The following MARCHF1 variants were observed in gnomAD, a reference collection of about 807,000 sequenced individuals.
The protein encoded by MARCHF1 is membrane associated ring-CH-type finger 1.
A neutral mutation model predicts 54.2 loss-of-function variants in MARCHF1; 40 were observed. That is an observed-to-expected ratio of 0.74 (90% CI 0.57 to 0.96). The LOEUF is 0.96. Ranked by LOEUF, MARCHF1 falls within the 40% of genes least tolerant of loss-of-function variation. The probability of loss-of-function intolerance (pLI) is 0.00; values close to 1 mark genes in which losing one functional copy is unlikely to be tolerated. For missense variants in MARCHF1, 586 were observed against 656.5 expected, an observed-to-expected ratio of 0.89 and a Z score of 1.17; for synonymous variants, 236 against 236.3, an observed-to-expected ratio of 1.00 and a Z score of 0.01.
intron 3 of MARCHF1, among the ~76,000 whole-genome samples, chr4:163,940,928 C>A (rs1227461025): frequency 6.6e-6 from 1 of 151,972 alleles, no homozygotes; most frequent in Non-Finnish European, 1.5e-5. Flanking sequence ...TACTTGTTTT[C>A]ATAATGTTTG....
intron 3 of MARCHF1, among the ~76,000 whole-genome samples, chr4:163,929,947 T>TAC (rs1560823658): frequency 1.8e-4 from 1 of 5,624 alleles, no homozygotes; most frequent in Non-Finnish European, 8.3e-3. Context: ...ATATTTATAT[T>TAC]ATATATATTA....
In MARCHF1 at chr4:163,545,757, T is replaced by G. The variant is rs1393110055; in HGVS notation, c.1192-14A>C. 1.2e-6 allele frequency: 2 copies of G among 1,612,330 alleles called. No individual in the cohort carries two copies. Among genetic ancestry groups the G allele is most frequent in the African/African-American group, 2.7e-5 (2 of 74,870 alleles). On this transcript the variant is annotated splice_polypyrimidine_tract_variant and intron_variant, in intron 8 of 9. Transcript: ENST00000514618. ...TAGTTTCTCCCACTGCAATCAGAAA[T>G]GAAGGACACAAAACTGAATTGCAAA...
chr4:163,714,975 C>T (rs1396843003), intron 4 of MARCHF1, among the ~76,000 whole-genome samples: 1 of 152,152 alleles, frequency 6.6e-6, no homozygotes, highest in African/African-American at 2.4e-5. Flanking sequence ...AGCCACTGCA[C>T]CCAGCCTATA....
rs80116082 is a variant in MARCHF1, at chr4:163,985,805, G to A, written c.-39+2696C>T. On this transcript the variant is annotated intron_variant, in intron 3 of 9. Coordinates refer to ENST00000514618, the MANE Select transcript of MARCHF1 (RefSeq NM_001394959.1). ...TCCTAATGCACATAGGCATGCTTTG[G>A]ATAACTTTAGGACAAGCAAGAACAT... Among the ~76,000 whole-genome samples, 1,451 of 152,096 alleles carry A rather than the reference G, an allele frequency of 9.5e-3. 18 individuals are homozygous for A. Among genetic ancestry groups the A allele is most frequent in the African/African-American group, 0.033 (1,358 of 41,476 alleles).
chr4:163,873,072 AAAAC>A (rs1553960054), intron 3 of MARCHF1, among the ~76,000 whole-genome samples: 257 of 151,156 alleles, frequency 1.7e-3, no homozygotes, highest in Middle Eastern at 6.8e-3. Flanking sequence ...CAAACAAAAA[AAAAC>A]AAACAAACAA....
intron 4 of MARCHF1, among the ~76,000 whole-genome samples, chr4:163,728,203 A>C (rs527372327): frequency 1.3e-5 from 2 of 152,260 alleles, no homozygotes; most frequent in South Asian, 2.1e-4. Context: ...TTGTGCCACA[A>C]TTTTTATCAC....
At chr4:163,562,819 T>A (rs1461714023) in intron 8 of MARCHF1, among the ~76,000 whole-genome samples, 2 of 152,172 alleles carry the variant, frequency 1.3e-5, no homozygotes, top group African/African-American at 4.8e-5. Context: ...AGTTAATAAT[T>A]AAACTGTTCA....
chr4:163,528,422 A>G lies in MARCHF1; in HGVS notation c.*326T>C, dbSNP rs1203836977. 1 of 249,562 alleles carries G rather than the reference A, an allele frequency of 4.0e-6. No individual in the cohort carries two copies. The highest frequency in any genetic ancestry group is 2.2e-5 in the African/African-American group (1 of 44,490). 15.5% of individuals were successfully genotyped at this position (249,562 alleles called of 1,614,324 possible). On this transcript the variant is annotated 3_prime_UTR_variant, in exon 10 of 10. Coordinates refer to ENST00000514618, the MANE Select transcript of MARCHF1 (RefSeq NM_001394959.1). ...CTTGAACTTTTCCCCTGTTACTGTG[A>G]AGAAGAGTATCATGGGTCCATTTAA...
At chr4:163,865,234 G>T (rs550902899) in intron 3 of MARCHF1, among the ~76,000 whole-genome samples, 14 of 152,006 alleles carry the variant, frequency 9.2e-5, no homozygotes, top group African/African-American at 3.4e-4. Context: ...TTCTTGAGCA[G>T]CCCTTTATGA....
chr4:164,119,508 G>T (rs192412993), intron 1 of MARCHF1, among the ~76,000 whole-genome samples: 106 of 150,942 alleles, frequency 7.0e-4, no homozygotes, highest in Non-Finnish European at 9.0e-4. Flanking sequence ...GAAAGCAAAA[G>T]AAATAAAAAG....
intron 5 of MARCHF1, among the ~76,000 whole-genome samples, chr4:163,613,889 T>C (rs914199365): frequency 6.6e-6 from 1 of 152,150 alleles, no homozygotes; most frequent in Non-Finnish European, 1.5e-5. Flanking sequence ...CCTGAATTTA[T>C]TGCTATTAAA....
chr4:164,315,631 C>T (rs1734976482), intron 1 of MARCHF1, among the ~76,000 whole-genome samples: 1 of 152,078 alleles, frequency 6.6e-6, no homozygotes. Context: ...CTTTAGCTGC[C>T]CCAGGCCAGC....
chr4:164,222,691 C>T (rs2111156549), intron 1 of MARCHF1, among the ~76,000 whole-genome samples: 1 of 151,946 alleles, frequency 6.6e-6, no homozygotes, highest in South Asian at 2.1e-4. Flanking sequence ...ATGTCTAAGA[C>T]TATTCAAAAA....
intron 1 of MARCHF1, among the ~76,000 whole-genome samples, chr4:164,340,359 G>GC (rs1190613209): frequency 7.3e-6 from 1 of 137,700 alleles, no homozygotes; most frequent in Non-Finnish European, 1.6e-5. Context: ...ACCTCACTCA[G>GC]CCCCCCGAGT....
At chr4:163,578,677 C>T (rs1740117400) in intron 8 of MARCHF1, among the ~76,000 whole-genome samples, 1 of 152,082 alleles carries the variant, frequency 6.6e-6, no homozygotes, top group Admixed American at 6.5e-5. Context: ...TATGAATTGT[C>T]TTACAAAGAC....
intron 1 of MARCHF1, among the ~76,000 whole-genome samples, chr4:164,292,773 A>T (rs532518107): frequency 1.3e-5 from 2 of 152,356 alleles, no homozygotes; most frequent in South Asian, 4.1e-4. Flanking sequence ...TCACATTAAT[A>T]TTAGTAACTG....
At chr4:164,270,676 T>C (rs1279957813) in intron 1 of MARCHF1, among the ~76,000 whole-genome samples, 2 of 152,122 alleles carry the variant, frequency 1.3e-5, no homozygotes, top group Non-Finnish European at 2.9e-5. Context: ...ACCACAATAA[T>C]GGCAGAAAAA....
chr4:164,148,427 T>G (rs1199659524), intron 1 of MARCHF1, among the ~76,000 whole-genome samples: 1 of 152,024 alleles, frequency 6.6e-6, no homozygotes. Flanking sequence ...TTCTCTTAAT[T>G]TTTTTTTCCA....
intron 5 of MARCHF1, among the ~76,000 whole-genome samples, chr4:163,694,671 T>G (rs867428409): frequency 6.6e-6 from 1 of 152,138 alleles, no homozygotes; most frequent in African/African-American, 2.4e-5. Context: ...TAAGACAGAT[T>G]CCTATTACAC....
Sources: allele counts gnomAD v4.1 joint callset (sites outside exome capture counted in the v4.1 genomes callset), GRCh38; gene constraint gnomAD v4.1.1; transcripts MANE v1.5; gene names NCBI Gene and HGNC (gene_info 2026-07-23, HGNC 2026-07-21).